The following PLD5 variants were observed in gnomAD, a reference collection of about 807,000 sequenced individuals.
The protein encoded by PLD5 is inactive phospholipase D5.
PLD5 carries 36 observed loss-of-function variants against 61.1 expected under a neutral mutation model. That is an observed-to-expected ratio of 0.59 (90% CI 0.45 to 0.78). The LOEUF is 0.78. PLD5 is among the 30% of genes least tolerant of loss of function. The pLI, the probability that PLD5 is intolerant of heterozygous loss-of-function variation, is 0.00. For synonymous variants in PLD5, 243 were observed against 242.8 expected (o/e 1.00, Z -0.01); for missense variants, 515 against 644.4 (o/e 0.80, Z 2.17).
In PLD5 at chr1:242,403,631, AT is replaced by A. The variant is rs113523002; in HGVS notation, c.190-55390del. On this transcript the variant is annotated intron_variant, in intron 1 of 9. Transcript: ENST00000536534. ...AGGCATCCATCACCAGGCCTGGGTA[AT>A]TTTTTGTATTTTTTTTTTAGAGACA... Among the ~76,000 whole-genome samples the A allele has an allele frequency of 2.4e-4, 37 of 151,778 alleles. No homozygotes were observed. The South Asian group carries it at 7.5e-3, about 31-fold the overall frequency.
chr1:242,432,838 G>A (rs1471107459), intron 1 of PLD5, among the ~76,000 whole-genome samples: 1 of 152,138 alleles, frequency 6.6e-6, no homozygotes, highest in Non-Finnish European at 1.5e-5. Flanking sequence ...AAGCCAAAGA[G>A]ACAAAAGGCA....
At chr1:242,207,842 TTA>T (rs1241530383) in intron 5 of PLD5, among the ~76,000 whole-genome samples, 2,725 of 20,766 alleles carry the variant, frequency 0.13, 668 homozygotes, top group East Asian at 0.25. Flanking sequence ...ATTTATATAT[TTA>T]TATATATTTA....
rs111548035 is a variant in PLD5, at chr1:242,156,495, G to A, written c.736-31830C>T. ...GTTTTTGCAGTGGCTGGTACTGGGTGTTCCTTTCCTTGTTTAGTGCTTCTT... is the reference window on the plus strand; with the variant it reads ...GTTTTTGCAGTGGCTGGTACTGGGTATTCCTTTCCTTGTTTAGTGCTTCTT... On this transcript the variant is annotated intron_variant, in intron 5 of 9. Transcript: ENST00000536534. Among the ~76,000 whole-genome samples, 401 of 152,264 alleles carry A rather than the reference G, an allele frequency of 2.6e-3. 4 individuals are homozygous for A. The highest frequency in any genetic ancestry group is 9.2e-3 in the African/African-American group (380 of 41,522).
At chr1:242,488,665 C>T (rs1006474313) in intron 1 of PLD5, among the ~76,000 whole-genome samples, 1 of 152,042 alleles carries the variant, frequency 6.6e-6, no homozygotes, top group African/African-American at 2.4e-5. Context: ...GGATATATGC[C>T]ATTACATATT....
At chr1:242,433,548 T>C (rs1225257326) in intron 1 of PLD5, among the ~76,000 whole-genome samples, 1 of 152,200 alleles carries the variant, frequency 6.6e-6, no homozygotes, top group Admixed American at 6.5e-5. Flanking sequence ...ATTCATTCAA[T>C]AAATATTTAT....
intron 2 of PLD5, among the ~76,000 whole-genome samples, chr1:242,337,090 C>G (rs1390473385): frequency 6.6e-6 from 1 of 151,636 alleles, no homozygotes; most frequent in Non-Finnish European, 1.5e-5. Context: ...TGAGTGAGCT[C>G]TTGGGCATGT....
chr1:242,273,291 G>A (rs959979634), intron 3 of PLD5, among the ~76,000 whole-genome samples: 1 of 151,972 alleles, frequency 6.6e-6, no homozygotes, highest in African/African-American at 2.4e-5. Flanking sequence ...ATTCCATGGT[G>A]TATATGTGCC....
chr1:242,167,468 C>T (rs1182735781), intron 5 of PLD5, among the ~76,000 whole-genome samples: 1 of 152,128 alleles, frequency 6.6e-6, no homozygotes, highest in Non-Finnish European at 1.5e-5. Flanking sequence ...TGGGAAAAAC[C>T]CATCTCTGTG....
intron 5 of PLD5, among the ~76,000 whole-genome samples, chr1:242,127,883 G>T (rs1307068808): frequency 6.6e-6 from 1 of 152,168 alleles, no homozygotes; most frequent in Non-Finnish European, 1.5e-5. Flanking sequence ...CAGATATCAA[G>T]GGAATCATTT....
chr1:242,365,651 C>T (rs571669929), intron 1 of PLD5: 5 of 165,302 alleles, frequency 3.0e-5, no homozygotes, highest in South Asian at 3.0e-4. Context: ...TTCCAGATGA[C>T]GAAGGTGCTG....
intron 1 of PLD5, among the ~76,000 whole-genome samples, chr1:242,492,642 G>A (rs542847166): frequency 1.4e-4 from 22 of 152,164 alleles, no homozygotes; most frequent in African/African-American, 4.1e-4. Flanking sequence ...GGTTTACTAT[G>A]TGTCTTAGTC....
At chr1:242,225,015 T>G (rs1670838248) in intron 4 of PLD5, among the ~76,000 whole-genome samples, 1 of 152,190 alleles carries the variant, frequency 6.6e-6, no homozygotes, top group Non-Finnish European at 1.5e-5. Flanking sequence ...ATTTTTTGCG[T>G]GTGTGCCTAT....
chr1:242,424,785 C>T (rs114172838), intron 1 of PLD5, among the ~76,000 whole-genome samples: 4,455 of 152,224 alleles, frequency 0.029, 177 homozygotes, highest in African/African-American at 0.086. Flanking sequence ...TTCCCACTTC[C>T]AGGAATAAAA....
At chr1:242,274,551 G>A (rs1465791005) in intron 3 of PLD5, among the ~76,000 whole-genome samples, 9 of 152,090 alleles carry the variant, frequency 5.9e-5, no homozygotes, top group Non-Finnish European at 1.3e-4. Flanking sequence ...TCAGGAGATC[G>A]AGACCATCCT....
rs901743287 is a variant in PLD5, at chr1:242,524,118, G to A, written c.159C>T (p.Val53=). The A allele has an allele frequency of 4.6e-6, 7 of 1,535,168 alleles. No homozygotes were observed. In the Admixed American group the frequency reaches 9.8e-5, roughly 22 times the overall value. Residue 53 remains valine (V), a synonymous_variant, in exon 1 of 10, where the codon GTC becomes GTT. Coordinates refer to ENST00000536534, the MANE Select transcript of PLD5 (RefSeq NM_001372062.1). ...SVKQQDYSAS[V]WLRRKDKLEH... The stretch of plus-strand genomic sequence containing the variant: ...CCAGCTTGTCTTTCCTCCGAAGCCA[G>A]ACGCTGGCGCTGTAGTCCTGCTGCT...
upstream of PLD5, among the ~76,000 whole-genome samples, chr1:242,525,588 T>C (rs1411028283): frequency 1.3e-5 from 2 of 152,234 alleles, no homozygotes; most frequent in East Asian, 3.8e-4. Context: ...TTTTTGGTTT[T>C]ATCTAAATGC....
chr1:242,283,125 C>G (rs1232478316), intron 3 of PLD5, among the ~76,000 whole-genome samples: 2 of 152,228 alleles, frequency 1.3e-5, no homozygotes, highest in African/African-American at 4.8e-5. Flanking sequence ...TGTTTCCATG[C>G]AAATGAAAAA....
At chr1:242,092,826 G>A (rs939113559) in intron 9 of PLD5, among the ~76,000 whole-genome samples, 1 of 152,082 alleles carries the variant, frequency 6.6e-6, no homozygotes, top group African/African-American at 2.4e-5. Flanking sequence ...CGAACATACC[G>A]AGTCCCTTTT....
At chr1:242,092,292 C>T (rs1659895848) in intron 9 of PLD5, among the ~76,000 whole-genome samples, 2 of 152,020 alleles carry the variant, frequency 1.3e-5, no homozygotes, top group South Asian at 2.1e-4. Flanking sequence ...GAACCAGCTT[C>T]TACTTGGTAT....
Sources: allele counts gnomAD v4.1 joint callset (sites outside exome capture counted in the v4.1 genomes callset), GRCh38; gene constraint gnomAD v4.1.1; transcripts MANE v1.5; gene names NCBI Gene and HGNC (gene_info 2026-07-23, HGNC 2026-07-21).